Variants in ATG5 observed in about 807,000 individuals in gnomAD.
ATG5 encodes autophagy related 5.
ATG5 carries 14 observed loss-of-function variants against 36.5 expected under a neutral mutation model. That is an observed-to-expected ratio of 0.38 (90% CI 0.25 to 0.60). The LOEUF (loss-of-function observed/expected upper bound fraction) is 0.60. ATG5 is among the 20% of genes least tolerant of loss of function. The pLI is 0.60. For missense variants in ATG5, 195 were observed against 326.7 expected (o/e 0.60, Z 3.11); for synonymous variants, 95 against 101.5 (o/e 0.94, Z 0.38).
intron 5 of ATG5, among the ~76,000 whole-genome samples, chr6:106,276,653 T>C (rs1779668832): frequency 6.6e-6 from 1 of 152,210 alleles, no homozygotes; most frequent in East Asian, 1.9e-4. Context: ...AACCCCTGAG[T>C]TCTTTTTAAC....
chr6:106,318,411 C>G lies in ATG5; in HGVS notation c.-58-2145G>C, dbSNP rs187792080. ...CGAACAGTAAAATGAATGACCAATG[C>G]TGCTTCTGAGTCCCTTCCCAAAAGA... is the stretch of plus-strand genomic sequence containing the variant. On this transcript the variant is annotated intron_variant, in intron 1 of 7. Transcript: ENST00000369076. Among the ~76,000 whole-genome samples, 26 of 152,260 alleles carry G rather than the reference C, an allele frequency of 1.7e-4. No individual in the cohort carries two copies. In the East Asian group the frequency reaches 4.8e-3, roughly 28 times the overall value.
rs992225941 is a variant in ATG5 at position 106,279,641 on chromosome 6, T to C, written c.478+20A>G. On this transcript the variant is annotated intron_variant, in intron 5 of 7. Transcript: ENST00000369076. ...TATTTTATAAAGTGGTATTCTAAAATTAAACACTATTATACTTACCATTTT... is the reference window on the plus strand; with the variant it reads ...TATTTTATAAAGTGGTATTCTAAAACTAAACACTATTATACTTACCATTTT... 2 of 1,449,926 alleles carry C rather than the reference T, an allele frequency of 1.4e-6. No homozygotes were observed. The highest frequency in any genetic ancestry group is 2.3e-5 in the Admixed American group (1 of 44,082). The allele number at this position is 1,449,926 out of a possible 1,614,324, so 89.8% of individuals were successfully genotyped here. A position where few individuals can be genotyped will look rare whatever the true frequency, so the allele number is the denominator to read the frequency against.
intron 5 of ATG5, among the ~76,000 whole-genome samples, chr6:106,262,060 A>G (rs1779040702): frequency 6.6e-6 from 1 of 152,140 alleles, no homozygotes; most frequent in African/African-American, 2.4e-5. Context: ...GGCTGCTGGG[A>G]CTTACCCAGA....
chr6:106,258,419 C>G (rs535771036), intron 5 of ATG5, among the ~76,000 whole-genome samples: 1 of 151,920 alleles, frequency 6.6e-6, no homozygotes, highest in African/African-American at 2.4e-5. Flanking sequence ...ACAAACAATA[C>G]TAGAGTGAGA....
intron 6 of ATG5, among the ~76,000 whole-genome samples, chr6:106,216,960 T>C (rs1019642576): frequency 9.0e-5 from 13 of 144,322 alleles, no homozygotes; most frequent in Admixed American, 6.2e-4. Context: ...TAAGCTGTTA[T>C]TAAAAAAAAA....
intron 3 of ATG5, among the ~76,000 whole-genome samples, chr6:106,299,811 A>G (rs1244701699): frequency 6.6e-6 from 1 of 152,254 alleles, no homozygotes; most frequent in East Asian, 1.9e-4. Flanking sequence ...CAGCACTGAA[A>G]GAATTTTCCC....
chr6:106,196,257 T>A (rs1034165041), intron 7 of ATG5, among the ~76,000 whole-genome samples: 1 of 151,990 alleles, frequency 6.6e-6, no homozygotes, highest in Non-Finnish European at 1.5e-5. Flanking sequence ...CTAAGATTTG[T>A]GAAAGTAAAA....
intron 7 of ATG5, among the ~76,000 whole-genome samples, chr6:106,191,856 G>T (rs562126225): frequency 6.6e-6 from 1 of 152,168 alleles, no homozygotes; most frequent in East Asian, 1.9e-4. Context: ...ATAAGAATAA[G>T]TTCATTTTTT....
intron 6 of ATG5, among the ~76,000 whole-genome samples, chr6:106,204,942 A>C (rs1776577422): frequency 6.6e-6 from 1 of 152,256 alleles, no homozygotes; most frequent in Non-Finnish European, 1.5e-5. Flanking sequence ...CAAGTGATTA[A>C]CTGTGTAAAG....
intron 5 of ATG5, 150 bp downstream of exon 5, chr6:106,279,511 G>T (rs1378849058): frequency 3.4e-6 from 2 of 590,304 alleles, no homozygotes; most frequent in Admixed American, 4.0e-5. Context: ...TGTAAGGGAT[G>T]ACTAAAAGTA....
chr6:106,264,851 T>C (rs533440547), intron 5 of ATG5, among the ~76,000 whole-genome samples: 143 of 151,826 alleles, frequency 9.4e-4, no homozygotes, highest in African/African-American at 3.3e-3. Flanking sequence ...AAGCACTACA[T>C]ATAGAAAGGA....
intron 5 of ATG5, among the ~76,000 whole-genome samples, chr6:106,272,853 G>A (rs1300248851): frequency 2.6e-5 from 4 of 152,146 alleles, no homozygotes; most frequent in African/African-American, 4.8e-5. Flanking sequence ...GATTAAACAT[G>A]AGAGTATAAA....
chr6:106,279,352 G>A (rs1779786335), intron 5 of ATG5, among the ~76,000 whole-genome samples: 1 of 152,212 alleles, frequency 6.6e-6, no homozygotes, highest in Non-Finnish European at 1.5e-5. Flanking sequence ...GAAGGGTCAT[G>A]ACTAAGGAAT....
At chr6:106,186,770 G>C in intron 7 of ATG5, 94 bp from the exon 8 acceptor site, 3 of 1,405,174 alleles carry the variant, frequency 2.1e-6, no homozygotes, top group South Asian at 1.3e-5. Flanking sequence ...TGCATTAAAT[G>C]GATTTTAAAC....
intron 5 of ATG5, among the ~76,000 whole-genome samples, chr6:106,275,385 T>C (rs1055554065): frequency 2.6e-5 from 4 of 152,160 alleles, no homozygotes; most frequent in African/African-American, 9.7e-5. Flanking sequence ...TCATTAGACT[T>C]TGCTGTGGAG....
intron 5 of ATG5, among the ~76,000 whole-genome samples, chr6:106,265,321 C>T (rs1320273269): frequency 6.6e-6 from 1 of 152,134 alleles, no homozygotes; most frequent in Admixed American, 6.5e-5. Flanking sequence ...AATATATGTG[C>T]ACCCAATACA....
intron 5 of ATG5, among the ~76,000 whole-genome samples, chr6:106,271,981 A>T (rs1779471529): frequency 6.6e-6 from 1 of 152,206 alleles, no homozygotes; most frequent in Non-Finnish European, 1.5e-5. Context: ...ATGATCTCCT[A>T]AACTGCTTCA....
intron 6 of ATG5, among the ~76,000 whole-genome samples, chr6:106,209,417 A>G (rs1776770344): frequency 6.6e-6 from 1 of 152,212 alleles, no homozygotes; most frequent in African/African-American, 2.4e-5. Context: ...TTATGTGAAA[A>G]AAGTCAATCT....
At chr6:106,239,674 T>C (rs1396637771) in intron 6 of ATG5, among the ~76,000 whole-genome samples, 1 of 152,226 alleles carries the variant, frequency 6.6e-6, no homozygotes, top group Non-Finnish European at 1.5e-5. Context: ...TACTTTACTA[T>C]AAACCAGGGG....
Sources: gnomAD v4.1 joint callset for allele counts (sites outside exome capture counted in the v4.1 genomes callset) on GRCh38, gnomAD v4.1.1 for gene constraint, MANE v1.5 for transcripts, NCBI Gene and HGNC (gene_info 2026-07-23, HGNC 2026-07-21) for gene names.